Variants in RTN4RL1 observed in about 807,000 individuals in gnomAD.
The protein encoded by RTN4RL1 is reticulon-4 receptor-like 1.
Under a neutral mutation model 25.6 loss-of-function variants are expected in RTN4RL1, and 7 were observed. The observed-to-expected ratio is 0.27, with a 90% confidence interval of 0.16 to 0.51. RTN4RL1 has a LOEUF of 0.51. Ranked by LOEUF, RTN4RL1 falls within the 20% of genes least tolerant of loss-of-function variation. The pLI is 0.97. For missense variants in RTN4RL1, 500 were observed against 615.6 expected, an observed-to-expected ratio of 0.81 and a Z score of 1.99; for synonymous variants, 297 against 288.2, an observed-to-expected ratio of 1.03 and a Z score of -0.31.
chr17:2,016,797 A>C (rs1364831237), intron 1 of RTN4RL1, among the ~76,000 whole-genome samples: 1 of 152,224 alleles, frequency 6.6e-6, no homozygotes, highest in Non-Finnish European at 1.5e-5. Flanking sequence ...CTGGCCATCA[A>C]GTGACCTCCC....
At chr17:1,967,222 G>A (rs1210171065) in intron 1 of RTN4RL1, among the ~76,000 whole-genome samples, 1 of 151,368 alleles carries the variant, frequency 6.6e-6, no homozygotes, top group Non-Finnish European at 1.5e-5. Context: ...CAGGATTTTT[G>A]CATGCAATTG....
At chr17:1,970,650 G>A (rs1384598291) in intron 1 of RTN4RL1, among the ~76,000 whole-genome samples, 1 of 152,134 alleles carries the variant, frequency 6.6e-6, no homozygotes, top group Non-Finnish European at 1.5e-5. Flanking sequence ...CATCTAGCAG[G>A]GTGCCTGTCC....
intron 1 of RTN4RL1, among the ~76,000 whole-genome samples, chr17:2,002,281 T>C (rs1681379498): frequency 6.6e-6 from 1 of 151,472 alleles, no homozygotes; most frequent in Admixed American, 6.6e-5. Flanking sequence ...CTTTCTCTTT[T>C]TTTTAATTTT....
rs556479012 is a variant in RTN4RL1, at chr17:1,999,680, C to A, written c.13+25173G>T. Among the ~76,000 whole-genome samples, 109 of 151,596 alleles carry A rather than the reference C, an allele frequency of 7.2e-4. No homozygotes were observed. In the South Asian group the frequency reaches 0.01, roughly 15 times the overall value. On this transcript the variant is annotated intron_variant, in intron 1 of 1. Coordinates refer to ENST00000331238, the MANE Select transcript of RTN4RL1 (RefSeq NM_178568.4). ...TGCCCACTCCCTATACATGCCCCCC[C>A]CACACACACACGCACAGGCACACAC...
At chr17:1,999,094 T>TCTCACACA (rs1555520474) in intron 1 of RTN4RL1, among the ~76,000 whole-genome samples, 4 of 147,276 alleles carry the variant, frequency 2.7e-5, no homozygotes, top group Non-Finnish European at 1.5e-5. Context: ...ACATGCGCGA[T>TCTCACACA]CACACACACA....
intron 1 of RTN4RL1, among the ~76,000 whole-genome samples, chr17:2,000,606 G>A (rs372516175): frequency 2.6e-5 from 4 of 151,876 alleles, no homozygotes; most frequent in East Asian, 3.9e-4. Flanking sequence ...GCTCACCTCC[G>A]TCTCCCAGGT....
chr17:1,948,385 G>A (rs976080809), intron 1 of RTN4RL1, among the ~76,000 whole-genome samples: 6 of 152,234 alleles, frequency 3.9e-5, no homozygotes, highest in Non-Finnish European at 5.9e-5. Flanking sequence ...TTGTGGCAGC[G>A]CAGACTCCAG....
At chr17:1,961,369 C>T (rs905641266) in intron 1 of RTN4RL1, among the ~76,000 whole-genome samples, 3 of 152,116 alleles carry the variant, frequency 2.0e-5, no homozygotes, top group Admixed American at 6.6e-5. Context: ...ACCGCATGGG[C>T]GGAGGCCTGG....
chr17:2,008,119 A>C (rs964005612), intron 1 of RTN4RL1, among the ~76,000 whole-genome samples: 4 of 151,144 alleles, frequency 2.6e-5, no homozygotes, highest in African/African-American at 9.7e-5. Flanking sequence ...AAAATACAAA[A>C]TTATCCGGCT....
At chr17:1,971,584 C>T (rs753445266) in intron 1 of RTN4RL1, among the ~76,000 whole-genome samples, 5 of 151,742 alleles carry the variant, frequency 3.3e-5, no homozygotes, top group Admixed American at 6.6e-5. Flanking sequence ...AATCCCAGCA[C>T]GTCGGGAGGC....
chr17:1,989,140 A>G (rs924441699), intron 1 of RTN4RL1, among the ~76,000 whole-genome samples: 3 of 152,154 alleles, frequency 2.0e-5, no homozygotes, highest in Admixed American at 2.0e-4. Flanking sequence ...CAAGAGATGT[A>G]GGACCCTGGT....
At chr17:2,012,248 G>GTTAT (rs2067059737) in intron 1 of RTN4RL1, among the ~76,000 whole-genome samples, 1 of 152,318 alleles carries the variant, frequency 6.6e-6, no homozygotes, top group African/African-American at 2.4e-5. Context: ...CAAGCGAGAG[G>GTTAT]TTATTTTCCT....
At chr17:1,963,265 C>T (rs112040569) in intron 1 of RTN4RL1, among the ~76,000 whole-genome samples, 8 of 152,326 alleles carry the variant, frequency 5.3e-5, no homozygotes, top group African/African-American at 1.7e-4. Context: ...TGTCTGTGAG[C>T]CCCGTGTCCT....
chr17:1,999,251 T>G (rs554456177), intron 1 of RTN4RL1, among the ~76,000 whole-genome samples: 2 of 151,294 alleles, frequency 1.3e-5, no homozygotes, highest in Non-Finnish European at 2.9e-5. Flanking sequence ...TTGGAGACCA[T>G]CCTGGCCAAC....
intron 1 of RTN4RL1, among the ~76,000 whole-genome samples, chr17:1,971,612 G>T (rs4790855): frequency 0.58 from 87,619 of 150,914 alleles, 25,604 homozygotes; most frequent in Admixed American, 0.7. Context: ...GGAGGGTTGT[G>T]TGAGCTCAGG....
At chr17:1,959,879 T>C (rs898312292) in intron 1 of RTN4RL1, among the ~76,000 whole-genome samples, 7 of 152,134 alleles carry the variant, frequency 4.6e-5, no homozygotes, top group Admixed American at 4.6e-4. Context: ...AGGTTTTAAA[T>C]ACCATCTTCA....
intron 1 of RTN4RL1, chr17:2,003,147 C>A (rs1354455408): frequency 2.0e-5 from 3 of 152,294 alleles, no homozygotes; most frequent in East Asian, 3.9e-4. Flanking sequence ...CCCTTATCCT[C>A]CCAGGGATTG....
intron 1 of RTN4RL1, among the ~76,000 whole-genome samples, chr17:1,968,773 T>C (rs2151312425): frequency 6.6e-6 from 1 of 152,376 alleles, no homozygotes; most frequent in East Asian, 1.9e-4. Flanking sequence ...GCACTTGTTC[T>C]TTGAACTTGG....
intron 1 of RTN4RL1, among the ~76,000 whole-genome samples, chr17:2,021,422 T>A (rs1038903967): frequency 1.3e-5 from 2 of 152,140 alleles, no homozygotes; most frequent in African/African-American, 4.8e-5. Context: ...GGCTACCCTT[T>A]CTTCATCTTT....
Sources: gnomAD v4.1 joint callset for allele counts (sites outside exome capture counted in the v4.1 genomes callset) on GRCh38, gnomAD v4.1.1 for gene constraint, MANE v1.5 for transcripts, NCBI Gene and HGNC (gene_info 2026-07-23, HGNC 2026-07-21) for gene names.